RIMS4: variants seen among roughly 807,000 people sequenced by gnomAD.
RIMS4 encodes regulating synaptic membrane exocytosis 4.
A neutral mutation model predicts 29.0 loss-of-function variants in RIMS4; 9 were observed. The observed-to-expected ratio is 0.31, with a 90% confidence interval of 0.19 to 0.54. The LOEUF is 0.54. Among genes scored for constraint, RIMS4 ranks in the 20% least tolerant of loss-of-function variants. The pLI is 0.94. For synonymous variants in RIMS4, 130 were observed against 152.9 expected (o/e 0.85, Z 1.10); for missense variants, 193 against 365.7 (o/e 0.53, Z 3.85).
intron 1 of RIMS4, among the ~76,000 whole-genome samples, chr20:44,776,601 A>C (rs567370273): frequency 6.6e-6 from 1 of 152,348 alleles, no homozygotes; most frequent in East Asian, 1.9e-4. Context: ...ATCATATAAT[A>C]GGGATAAAAG....
intron 1 of RIMS4, among the ~76,000 whole-genome samples, chr20:44,772,693 C>A (rs982062709): frequency 7.2e-5 from 11 of 152,266 alleles, no homozygotes; most frequent in African/African-American, 2.6e-4. Flanking sequence ...TTAGTGGGAT[C>A]TTTTTCATGG....
chr20:44,775,117 T>C (rs755448943), intron 1 of RIMS4, among the ~76,000 whole-genome samples: 2 of 152,126 alleles, frequency 1.3e-5, no homozygotes, highest in Non-Finnish European at 2.9e-5. Context: ...TTTTGTGAGG[T>C]GGAAGCCCCT....
intron 1 of RIMS4, among the ~76,000 whole-genome samples, chr20:44,797,392 T>C (rs2066259428): frequency 6.6e-6 from 1 of 152,136 alleles, no homozygotes; most frequent in South Asian, 2.1e-4. Context: ...GCTTGCTGAG[T>C]TCTGTGCTAC....
In RIMS4 at chr20:44,771,279, C is replaced by T. The variant is rs574740130; in HGVS notation, c.232G>A (p.Gly78Ser). ...EDSMNSYGSE[G>S]NLNYGGVCLA... ...GGCTGGTGGCCCCACACTTACTTGC[C>T]CTCTGAGCCATAGCTGTTCATGCTG... is the stretch of plus-strand genomic sequence containing the variant. Residue 78 changes from glycine (G) to serine (S), a missense_variant, in exon 2 of 6, where the codon GGC (glycine) becomes AGC (serine). Gly to Ser is a moderately conservative substitution (Grantham distance 56). Coordinates refer to ENST00000372851, the MANE Select transcript of RIMS4 (RefSeq NM_182970.4). The T allele has an allele frequency of 1.9e-6, 3 of 1,606,228 alleles. No homozygotes were observed. Among genetic ancestry groups the T allele is most frequent in the Non-Finnish European group, 2.6e-6 (3 of 1,173,526 alleles).
In RIMS4 at chr20:44,755,134, TA is replaced by T. The variant is rs2145440496; in HGVS notation, c.*999del. 1 of 152,592 alleles carries T rather than the reference TA, an allele frequency of 6.6e-6. No individual in the cohort carries two copies. Among genetic ancestry groups the T allele is most frequent in the South Asian group, 2.1e-4 (1 of 4,814 alleles). The allele number at this position is 152,592 out of a possible 1,614,324, so 9.5% of individuals were successfully genotyped here. ...GATGTTTTTTTTAAAAAGACTAAAATAGGGGGGCTCTATTTGCCTCCCCAGC... is the reference window on the plus strand; with the variant it reads ...GATGTTTTTTTTAAAAAGACTAAAATGGGGGGCTCTATTTGCCTCCCCAGC... On this transcript the variant is annotated 3_prime_UTR_variant, in exon 6 of 6. Coordinates refer to ENST00000372851, the MANE Select transcript of RIMS4 (RefSeq NM_182970.4).
At chr20:44,784,876 AG>A in intron 1 of RIMS4, among the ~76,000 whole-genome samples, 1 of 152,328 alleles carries the variant, frequency 6.6e-6, no homozygotes, top group South Asian at 2.1e-4. Flanking sequence ...CAAAGGCTGA[AG>A]GAATTCCAGC....
intron 1 of RIMS4, among the ~76,000 whole-genome samples, chr20:44,797,206 A>T (rs774390787): frequency 6.6e-6 from 1 of 152,248 alleles, no homozygotes; most frequent in African/African-American, 2.4e-5. Context: ...CCTCGGACTA[A>T]ATCCATCTTG....
chr20:44,780,674 A>C (rs1455972959), intron 1 of RIMS4, among the ~76,000 whole-genome samples: 1 of 152,158 alleles, frequency 6.6e-6, no homozygotes, highest in African/African-American at 2.4e-5. Context: ...GGGTTAATGA[A>C]CCTGCCCATA....
intron 1 of RIMS4, among the ~76,000 whole-genome samples, chr20:44,797,812 G>A (rs754087536): frequency 6.6e-6 from 1 of 152,192 alleles, no homozygotes; most frequent in Non-Finnish European, 1.5e-5. Context: ...CCCAGTCAGA[G>A]CCTTGCCATG....
chr20:44,768,047 A>G (rs568923019), intron 2 of RIMS4, among the ~76,000 whole-genome samples: 2 of 152,344 alleles, frequency 1.3e-5, no homozygotes, highest in Non-Finnish European at 2.9e-5. Flanking sequence ...TTGGTATTAC[A>G]TAACCCGGGA....
intron 1 of RIMS4, among the ~76,000 whole-genome samples, chr20:44,791,147 C>T (rs1005629225): frequency 6.6e-6 from 1 of 152,220 alleles, no homozygotes; most frequent in African/African-American, 2.4e-5. Flanking sequence ...CATGACCCTG[C>T]TTTGGTTTAA....
intron 1 of RIMS4, among the ~76,000 whole-genome samples, chr20:44,799,461 C>A (rs934894103): frequency 6.6e-6 from 1 of 152,126 alleles, no homozygotes; most frequent in African/African-American, 2.4e-5. Context: ...GGGGGTGGCT[C>A]GGCCAGGGCT....
In RIMS4 at chr20:44,808,411, C is replaced by T. The variant is rs150854310; in HGVS notation, c.97+1764G>A. Among the ~76,000 whole-genome samples the T allele has an allele frequency of 6.5e-3, 991 of 152,204 alleles. 9 individuals carry two copies. Among genetic ancestry groups the T allele is most frequent in the African/African-American group, 0.022 (907 of 41,520 alleles). On this transcript the variant is annotated intron_variant, in intron 1 of 5. Transcript: ENST00000372851. ...GCATGACTTTGAAGAAAAACTAAAC[C>T]GCTCCTGCCTCTGATGCTCCTACAA...
chr20:44,801,751 C>T (rs1274803346), intron 1 of RIMS4, among the ~76,000 whole-genome samples: 1 of 152,104 alleles, frequency 6.6e-6, no homozygotes, highest in African/African-American at 2.4e-5. Flanking sequence ...TTAAACCTGG[C>T]ACAACGCAGG....
At chr20:44,769,061 A>G (rs2066125833) in intron 2 of RIMS4, among the ~76,000 whole-genome samples, 1 of 152,196 alleles carries the variant, frequency 6.6e-6, no homozygotes, top group East Asian at 1.9e-4. Flanking sequence ...ACTTCCCCAA[A>G]GCCACACAGC....
At chr20:44,807,397 C>A (rs2066303382) in intron 1 of RIMS4, among the ~76,000 whole-genome samples, 1 of 152,180 alleles carries the variant, frequency 6.6e-6, no homozygotes, top group Non-Finnish European at 1.5e-5. Context: ...AGGAAACTAG[C>A]AAAAGGATGG....
At chr20:44,788,898 T>C (rs2066220480) in intron 1 of RIMS4, among the ~76,000 whole-genome samples, 1 of 152,158 alleles carries the variant, frequency 6.6e-6, no homozygotes. Context: ...GCTGGGCATG[T>C]ATTAAGCACT....
Position 44,755,046 on chromosome 20 carries a change from C to CCG in RIMS4, c.*1086_*1087dup, listed in dbSNP as rs2066052796. 6.5e-6 allele frequency: 1 copy of CCG among 152,738 alleles called. No homozygotes were observed. The allele number at this position is 152,738 out of a possible 1,614,324, so 9.5% of individuals were successfully genotyped here. A position where few individuals can be genotyped will look rare whatever the true frequency, so the allele number is the denominator to read the frequency against. On this transcript the variant is annotated 3_prime_UTR_variant, in exon 6 of 6. Coordinates refer to ENST00000372851, the MANE Select transcript of RIMS4 (RefSeq NM_182970.4). Reference sequence around the variant, plus strand: ...CACGCCTCTTCACTTTTCTCTCCTACCGCCATCTTTCCTTCAGCCAAGGTA... The same window carrying CCG: ...CACGCCTCTTCACTTTTCTCTCCTACCGCGCCATCTTTCCTTCAGCCAAGGTA...
chr20:44,762,793 C>T (rs796463373), intron 2 of RIMS4, among the ~76,000 whole-genome samples: 1 of 152,152 alleles, frequency 6.6e-6, no homozygotes, highest in Non-Finnish European at 1.5e-5. Context: ...AATCCAACTG[C>T]GGGTCTTCCC....
Sources: allele counts gnomAD v4.1 joint callset (sites outside exome capture counted in the v4.1 genomes callset), GRCh38; gene constraint gnomAD v4.1.1; transcripts MANE v1.5; gene names NCBI Gene and HGNC (gene_info 2026-07-23, HGNC 2026-07-21).